Variants in VPS41 observed in about 807,000 individuals in gnomAD.
VPS41 encodes the protein VPS41 subunit of HOPS complex, also known as vacuolar protein sorting-associated protein 41 homolog.
Under a neutral mutation model 130.9 loss-of-function variants are expected in VPS41, and 85 were observed. That is an observed-to-expected ratio of 0.65 (90% confidence interval 0.55 to 0.78). The LOEUF (loss-of-function observed/expected upper bound fraction) is 0.78, where lower values mean the gene tolerates loss of function less well. VPS41 is among the 30% of genes least tolerant of loss of function. The probability of loss-of-function intolerance (pLI) is 0.00; values close to 1 mark genes in which losing one functional copy is unlikely to be tolerated. For synonymous variants in VPS41, 335 were observed against 332.9 expected, an observed-to-expected ratio of 1.01 and a Z score of -0.07; for missense variants, 874 against 1,018.7, an observed-to-expected ratio of 0.86 and a Z score of 1.93.
chr7:38,817,162 G>GA (rs199645969), intron 7 of VPS41, among the ~76,000 whole-genome samples: 27 of 147,776 alleles, frequency 1.8e-4, no homozygotes, highest in Admixed American at 3.4e-4. Context: ...TTTCTACAAG[G>GA]AAAAAAAAAA....
At chr7:38,812,329 C>T (rs1274312050) in intron 7 of VPS41, among the ~76,000 whole-genome samples, 1 of 152,120 alleles carries the variant, frequency 6.6e-6, no homozygotes, top group Non-Finnish European at 1.5e-5. Flanking sequence ...GCTGGGCCAA[C>T]TGGATATTCA....
chr7:38,883,410 G>A (rs1050080473), intron 2 of VPS41, among the ~76,000 whole-genome samples: 2 of 152,090 alleles, frequency 1.3e-5, no homozygotes, highest in Admixed American at 6.5e-5. Context: ...CACAGTGTTT[G>A]CTCTTCCTTT....
At chr7:38,792,804 C>T (rs1360740433) in intron 9 of VPS41, among the ~76,000 whole-genome samples, 1 of 152,088 alleles carries the variant, frequency 6.6e-6, no homozygotes, top group African/African-American at 2.4e-5. Flanking sequence ...ACATCACCTG[C>T]TCCTCCACCA....
intron 2 of VPS41, among the ~76,000 whole-genome samples, chr7:38,884,875 C>T (rs1203044014): frequency 6.6e-6 from 1 of 152,194 alleles, no homozygotes. Context: ...CTTTCCTTAA[C>T]ACTCCTCTTT....
chr7:38,761,618 G>A (rs1441817878), intron 17 of VPS41, among the ~76,000 whole-genome samples: 1 of 151,398 alleles, frequency 6.6e-6, no homozygotes, highest in South Asian at 2.1e-4. Flanking sequence ...GTGAGAAAGG[G>A]TCCCACTCCG....
At chr7:38,857,331 T>C (rs966301934) in intron 4 of VPS41, among the ~76,000 whole-genome samples, 1 of 152,224 alleles carries the variant, frequency 6.6e-6, no homozygotes, top group African/African-American at 2.4e-5. Context: ...ATAATGTCTC[T>C]TACTATAGTG....
chr7:38,789,711 A>C, intron 10 of VPS41, 90 bp downstream of exon 10: 1 of 1,340,268 alleles, frequency 7.5e-7, no homozygotes, highest in Non-Finnish European at 1.1e-6. Context: ...GGATCCAGGC[A>C]AAAGACTATG....
chr7:38,891,014 A>G lies in VPS41; in HGVS notation c.60+7077T>C, dbSNP rs563140829. Among the ~76,000 whole-genome samples, 15 of 95,004 alleles carry G rather than the reference A, an allele frequency of 1.6e-4. No individual in the cohort carries two copies. In the South Asian group the frequency reaches 6.3e-3, roughly 40 times the overall value. The allele number at this position is 95,004 out of a possible 152,430, so 62.3% of individuals were successfully genotyped here. A position where few individuals can be genotyped will look rare whatever the true frequency, so the allele number is the denominator to read the frequency against. ...TCAAAATGACTTTTTTTTAAATTTA[A>G]TATCTCAAGGAAAAAAAAGTGTAGT... On this transcript the variant is annotated intron_variant, in intron 2 of 28. Coordinates refer to ENST00000310301, the MANE Select transcript of VPS41 (RefSeq NM_014396.4).
At chr7:38,755,003 T>G (rs1783761222) in intron 19 of VPS41, 67 bp from the exon 20 acceptor site, 2 of 1,458,652 alleles carry the variant, frequency 1.4e-6, no homozygotes, top group Admixed American at 3.4e-5. Context: ...CTAAACACAA[T>G]GCAGTGTACC....
chr7:38,868,286 G>T (rs769651316), intron 3 of VPS41, among the ~76,000 whole-genome samples: 8 of 152,214 alleles, frequency 5.3e-5, no homozygotes, highest in South Asian at 2.1e-4. Flanking sequence ...AAAGGAGAAG[G>T]TTGCTGGTAA....
intron 2 of VPS41, among the ~76,000 whole-genome samples, chr7:38,883,191 C>T (rs1277400958): frequency 3.3e-5 from 5 of 152,146 alleles, no homozygotes; most frequent in Admixed American, 2.0e-4. Context: ...TGCAGTGAGC[C>T]GAGATCGGCC....
At chr7:38,839,748 G>A (rs766143587) in intron 4 of VPS41, among the ~76,000 whole-genome samples, 6 of 151,952 alleles carry the variant, frequency 3.9e-5, no homozygotes, top group Admixed American at 6.6e-5. Flanking sequence ...CGTTCTGCCC[G>A]GCCAGAACAG....
chr7:38,736,181 T>G (rs1795759807), intron 25 of VPS41, among the ~76,000 whole-genome samples: 1 of 152,218 alleles, frequency 6.6e-6, no homozygotes, highest in South Asian at 2.1e-4. Flanking sequence ...AAAAGATATT[T>G]TAGAGATCAT....
intron 22 of VPS41, among the ~76,000 whole-genome samples, chr7:38,746,426 C>T: frequency 6.6e-6 from 1 of 151,906 alleles, no homozygotes; most frequent in East Asian, 1.9e-4. Context: ...AAGAGGAAAA[C>T]AAAGAAGAGA....
intron 23 of VPS41, 123 bp from the exon 24 acceptor site, chr7:38,743,665 T>A: frequency 1.8e-6 from 2 of 1,091,728 alleles, no homozygotes; most frequent in Non-Finnish European, 2.6e-6. Flanking sequence ...TATTTTCTCA[T>A]GTGACACCAA....
chr7:38,824,485 A>G (rs1785232470), intron 5 of VPS41, among the ~76,000 whole-genome samples: 1 of 152,242 alleles, frequency 6.6e-6, no homozygotes, highest in African/African-American at 2.4e-5. Context: ...CTATAGAAAA[A>G]TGACTTGCCT....
chr7:38,727,887 C>T (rs1020947819), intron 27 of VPS41, among the ~76,000 whole-genome samples: 3 of 152,142 alleles, frequency 2.0e-5, no homozygotes, highest in Non-Finnish European at 4.4e-5. Context: ...TAAGAAGGTG[C>T]TTTTCATTAC....
At chr7:38,853,750 C>T (rs1297854395) in intron 4 of VPS41, among the ~76,000 whole-genome samples, 2 of 152,228 alleles carry the variant, frequency 1.3e-5, no homozygotes, top group Non-Finnish European at 2.9e-5. Flanking sequence ...GTTAAAATTA[C>T]TTCAACCCTG....
intron 1 of VPS41, among the ~76,000 whole-genome samples, chr7:38,907,058 G>T (rs957535900): frequency 6.7e-6 from 1 of 149,812 alleles, no homozygotes; most frequent in Non-Finnish European, 1.5e-5. Flanking sequence ...TGTGGTAAGA[G>T]GTACACAGAA....
Sources: gnomAD v4.1 joint callset for allele counts (sites outside exome capture counted in the v4.1 genomes callset) on GRCh38, gnomAD v4.1.1 for gene constraint, MANE v1.5 for transcripts, NCBI Gene and HGNC (gene_info 2026-07-23, HGNC 2026-07-21) for gene names.